The following FANCA variants were observed in gnomAD, a reference collection of about 807,000 sequenced individuals.
FANCA encodes the protein FA complementation group A.
A neutral mutation model predicts 194.3 loss-of-function variants in FANCA; 236 were observed. The ratio of observed to expected loss-of-function variants is 1.21; its 90% CI spans 1.09 to 1.35. The LOEUF (loss-of-function observed/expected upper bound fraction) is 1.35, where lower values mean the gene tolerates loss of function less well. FANCA is among the 40% of genes most tolerant of loss of function. The probability of loss-of-function intolerance (pLI) is 0.00; values close to 1 mark genes in which losing one functional copy is unlikely to be tolerated. For missense variants in FANCA, 2,628 were observed against 1,813.9 expected, an observed-to-expected ratio of 1.45 and a Z score of -8.15; for synonymous variants, 1,014 against 715.8, an observed-to-expected ratio of 1.42 and a Z score of -6.65.
chr16:89,761,909 G>C, intron 29 of FANCA, 40 bp downstream of exon 29: 2 of 1,508,848 alleles, frequency 1.3e-6, no homozygotes, highest in Non-Finnish European at 9.2e-7. Context: ...ATAGGTGTGA[G>C]CCATCATGCC....
intron 3 of FANCA, among the ~76,000 whole-genome samples, chr16:89,812,655 A>AAAAAAAAAAAAAAAAAAG (rs2040936457): frequency 8.0e-6 from 1 of 125,312 alleles, no homozygotes; most frequent in Non-Finnish European, 1.6e-5. Context: ...TCAAAAAAAA[A>AAAAAAAAAAAAAAAAAAG]AAAAAAAAAA....
intron 15 of FANCA, among the ~76,000 whole-genome samples, chr16:89,783,528 G>T (rs2039793560): frequency 6.6e-6 from 1 of 150,806 alleles, no homozygotes. Context: ...TCCAGCCTGG[G>T]TGACACAGTG....
At chr16:89,740,260 G>A in intron 38 of FANCA, 161 bp from the exon 39 acceptor site, 1 of 691,270 alleles carries the variant, frequency 1.4e-6, no homozygotes, top group East Asian at 2.6e-5. Flanking sequence ...TGGGCCTCTG[G>A]ACAGAAGAGG....
At chr16:89,760,692 C>T (rs1438196700) in intron 29 of FANCA, among the ~76,000 whole-genome samples, 1 of 152,170 alleles carries the variant, frequency 6.6e-6, no homozygotes, top group Non-Finnish European at 1.5e-5. Context: ...AGCCCTGGGA[C>T]TCATGGGGGT....
At chr16:89,816,180 C>G in intron 1 of FANCA, 194 bp from the exon 2 acceptor site, 1 of 625,266 alleles carries the variant, frequency 1.6e-6, no homozygotes, top group Non-Finnish European at 2.9e-6. Context: ...GGAAGACGGC[C>G]CAGGAGGGCC....
At chr16:89,809,574 G>A (rs1017260367) in intron 5 of FANCA, among the ~76,000 whole-genome samples, 1 of 152,038 alleles carries the variant, frequency 6.6e-6, no homozygotes, top group South Asian at 2.1e-4. Context: ...ATTGGGCAGG[G>A]CGCGGTGACT....
intron 5 of FANCA, among the ~76,000 whole-genome samples, chr16:89,810,162 A>G (rs2040821036): frequency 6.6e-6 from 1 of 151,750 alleles, no homozygotes; most frequent in South Asian, 2.1e-4. Context: ...CTCTGCTAAA[A>G]AATACAAAAA....
At chr16:89,767,527 C>A (rs1305702502) in intron 26 of FANCA, among the ~76,000 whole-genome samples, 1 of 152,046 alleles carries the variant, frequency 6.6e-6, no homozygotes, top group South Asian at 2.1e-4. Flanking sequence ...CCCACCATGC[C>A]CAGCTGATTC....
chr16:89,758,640 C>T lies in FANCA; in HGVS notation c.2918G>A (p.Cys973Tyr), dbSNP rs2143224749. The T allele has an allele frequency of 1.2e-6, 2 of 1,614,102 alleles. No homozygotes were observed. The highest frequency in any genetic ancestry group is 1.7e-6 in the Non-Finnish European group (2 of 1,179,954). ...FLPESSASGG[C>Y]DGDLQAACTI... is the part of the protein sequence containing the mutation. ...ACACGCAGCCTGCAGGTCTCCGTCA[C>T]AGCCCCCTGAAGCCGAGGACTCAGG... The change falls in exon 30 of 43, where the codon TGT becomes TAT. Residue 973 changes from cysteine (C) to tyrosine (Y), a missense_variant. By Grantham distance (194) the Cys-to-Tyr change is radical. Coordinates refer to ENST00000389301, the MANE Select transcript of FANCA (RefSeq NM_000135.4).
Position 89,791,474 on chromosome 16 carries a change from C to T in FANCA, c.1288G>A (p.Ala430Thr). 6.2e-7 allele frequency: 1 copy of T among 1,614,198 alleles called. No individual in the cohort carries two copies. The highest frequency in any genetic ancestry group is 8.5e-7 in the Non-Finnish European group (1 of 1,180,032). Residue 430 changes from alanine (A) to threonine (T), a missense_variant, in exon 14 of 43, where the codon GCG becomes ACG. Ala to Thr is a moderately conservative substitution (Grantham distance 58). Coordinates refer to ENST00000389301, the MANE Select transcript of FANCA (RefSeq NM_000135.4). ...GCTGCCTGGCGCACAACCAGGAACGCAGTGACCATGCTGTCCAGCTGGCAG... is the reference window on the plus strand; with the variant it reads ...GCTGCCTGGCGCACAACCAGGAACGTAGTGACCATGCTGTCCAGCTGGCAG... ...ESCQLDSMVT[A>T]FLVVRQAALE... is the part of the protein sequence containing the mutation.
Position 89,784,868 on chromosome 16 carries a change from G to A in FANCA, c.1456C>T (p.Pro486Ser). Reference protein sequence around the residue: ...FLSELVPFESPRYLQVHILHP... With the variant: ...FLSELVPFESSRYLQVHILHP... ...CAGCTTCTCACCTGCAGGTACCGGG[G>A]AGACTCAAAAGGCACGAGTTCTGAC... The change falls in exon 15 of 43, where the codon CCC becomes TCC. Residue 486 changes from proline to serine, a missense_variant. Transcript: ENST00000389301. 6.2e-7 allele frequency: 1 copy of A among 1,613,658 alleles called. No individual in the cohort carries two copies. The highest frequency in any genetic ancestry group is 8.5e-7 in the Non-Finnish European group (1 of 1,179,540).
intron 20 of FANCA, among the ~76,000 whole-genome samples, chr16:89,776,520 C>T (rs930504089): frequency 2.0e-5 from 3 of 151,426 alleles, no homozygotes; most frequent in Non-Finnish European, 2.9e-5. Context: ...ACGTTTAGTT[C>T]GTGTCATTAA....
chr16:89,777,523 A>C (rs1280022747), intron 20 of FANCA, among the ~76,000 whole-genome samples: 3 of 150,632 alleles, frequency 2.0e-5, no homozygotes, highest in Non-Finnish European at 4.4e-5. Flanking sequence ...CAGGAGTTTG[A>C]GACCAGTCTG....
intron 21 of FANCA, among the ~76,000 whole-genome samples, chr16:89,773,821 G>A (rs2039405117): frequency 6.7e-6 from 1 of 148,196 alleles, no homozygotes; most frequent in African/African-American, 2.5e-5. Context: ...TCACCACGCT[G>A]GAGTGCAGTG....
At position 89,815,826 on chromosome 16, in the gene FANCA, A is replaced by C. The variant is rs760486212; in HGVS notation, c.189+51T>G. Reference sequence around the variant, plus strand: ...GGAAAGCTGTGCGGTGGCTGGACTCAAAAACCCCGAACCTAAATCTGCCCG... The same window carrying C: ...GGAAAGCTGTGCGGTGGCTGGACTCCAAAACCCCGAACCTAAATCTGCCCG... On this transcript the variant is annotated intron_variant, in intron 2 of 42. Transcript: ENST00000389301. 2.1e-6 allele frequency: 3 copies of C among 1,430,594 alleles called. 1 individual carries two copies. 88.6% of individuals were successfully genotyped at this position (1,430,594 alleles called of 1,614,324 possible).
chr16:89,801,461 C>G (rs1328823854), intron 8 of FANCA, among the ~76,000 whole-genome samples: 1 of 151,550 alleles, frequency 6.6e-6, no homozygotes, highest in Non-Finnish European at 1.5e-5. Context: ...CAAAAAATAA[C>G]AAATGCTGGT....
chr16:89,813,794 A>G (rs1267605121), intron 3 of FANCA, among the ~76,000 whole-genome samples: 6 of 142,034 alleles, frequency 4.2e-5, no homozygotes, highest in Non-Finnish European at 9.0e-5. Flanking sequence ...TTTTTTATCT[A>G]CAAGTCTTTT....
chr16:89,771,221 G>C (rs929461510), intron 23 of FANCA, among the ~76,000 whole-genome samples: 1 of 151,020 alleles, frequency 6.6e-6, no homozygotes. Flanking sequence ...CACTTTGGGA[G>C]GCTGAGGCAG....
chr16:89,757,173 G>A (rs1026439519), intron 30 of FANCA, among the ~76,000 whole-genome samples: 2 of 152,040 alleles, frequency 1.3e-5, no homozygotes, highest in African/African-American at 2.4e-5. Flanking sequence ...GTTTCACCAG[G>A]CTGGTCTCGA....
Sources: gnomAD v4.1 joint callset for allele counts (sites outside exome capture counted in the v4.1 genomes callset) on GRCh38, gnomAD v4.1.1 for gene constraint, MANE v1.5 for transcripts, NCBI Gene and HGNC (gene_info 2026-07-23, HGNC 2026-07-21) for gene names.